Variants in ARID1B observed in about 807,000 individuals in gnomAD.
ARID1B encodes the protein AT-rich interaction domain 1B.
Under a neutral mutation model 212.3 loss-of-function variants are expected in ARID1B, and 30 were observed. The ratio of observed to expected loss-of-function variants is 0.14; its 90% CI spans 0.11 to 0.19. ARID1B has a LOEUF of 0.19. Among genes scored for constraint, ARID1B ranks in the 10% least tolerant of loss-of-function variants. The probability of loss-of-function intolerance (pLI) is 1.00; values close to 1 mark genes in which losing one functional copy is unlikely to be tolerated. For missense variants in ARID1B, 2,891 were observed against 3,204.0 expected, an observed-to-expected ratio of 0.90 and a Z score of 2.36; for synonymous variants, 1,402 against 1,301.7, an observed-to-expected ratio of 1.08 and a Z score of -1.66.
rs561490807 is a variant in ARID1B at position 157,167,339 on chromosome 6, A to C, written c.3235+154A>C. The C allele has an allele frequency of 9.4e-6, 8 of 851,380 alleles. No individual in the cohort carries two copies. In the East Asian group the frequency reaches 1.9e-4, roughly 20 times the overall value. 52.7% of individuals were successfully genotyped at this position (851,380 alleles called of 1,614,324 possible). A position where few individuals can be genotyped will look rare whatever the true frequency, so the allele number is the denominator to read the frequency against. On this transcript the variant is annotated intron_variant, in intron 9 of 19. Transcript: ENST00000636930. ...TTTCTGCTTCTCAGAAACTTGCTCC[A>C]TCTATTTAAGACTTGAGAATTACAT... is the stretch of plus-strand genomic sequence containing the variant.
chr6:157,204,199 C>CTAA, intron 19 of ARID1B: 1 of 583,848 alleles, frequency 1.7e-6, no homozygotes, highest in Non-Finnish European at 3.0e-6. Context: ...TGTACACACA[C>CTAA]ATACCTCTAT....
chr6:157,102,013 T>A (rs1280510626), intron 5 of ARID1B, among the ~76,000 whole-genome samples: 2 of 152,240 alleles, frequency 1.3e-5, no homozygotes, highest in Non-Finnish European at 2.9e-5. Context: ...AATATTTCTA[T>A]ATCTATTAGT....
At chr6:156,935,821 G>A (rs369392810) in intron 4 of ARID1B, 56 of 405,354 alleles carry the variant, frequency 1.4e-4, no homozygotes, top group African/African-American at 1.1e-3. Flanking sequence ...TTATGCGGCT[G>A]GTCGATTTTG....
chr6:156,917,493 A>G (rs1293599205), intron 3 of ARID1B, among the ~76,000 whole-genome samples: 1 of 151,836 alleles, frequency 6.6e-6, no homozygotes, highest in African/African-American at 2.4e-5. Context: ...GAGGCTTAGG[A>G]GAAGATGTTG....
In ARID1B at chr6:157,087,816, A is replaced by T. The variant is rs145848194; in HGVS notation, c.2491+2911A>T. On this transcript the variant is annotated intron_variant, in intron 5 of 19. Transcript: ENST00000636930. ...AGTTTTCTTCTAGAAAAAAAAAAAA[A>T]GTCCACGTTCCTCTTGGAGTTTGAG... Among the ~76,000 whole-genome samples, 1,161 of 151,580 alleles carry T rather than the reference A, an allele frequency of 7.7e-3. 11 individuals are homozygous for T. The highest frequency in any genetic ancestry group is 0.027 in the African/African-American group (1,113 of 41,356).
rs149275756 is a variant in ARID1B, at chr6:156,999,999, T to C, written c.2247+64423T>C. ...AATATGGTGACATGGAGTGAGTGAG[T>C]GAGTGGGAGGCTGATTTCTTTTGGG... On this transcript the variant is annotated intron_variant, in intron 4 of 19. Coordinates refer to ENST00000636930, the MANE Select transcript of ARID1B (RefSeq NM_001374828.1). Among the ~76,000 whole-genome samples the C allele has an allele frequency of 4.6e-5, 7 of 151,992 alleles. No individual in the cohort carries two copies. In the East Asian group the frequency reaches 1.4e-3, roughly 29 times the overall value.
At chr6:157,189,281 T>C (rs1793191779) in intron 13 of ARID1B, among the ~76,000 whole-genome samples, 1 of 152,250 alleles carries the variant, frequency 6.6e-6, no homozygotes, top group Non-Finnish European at 1.5e-5. Flanking sequence ...ATTTCCAGTC[T>C]AGACAACAGT....
intron 11 of ARID1B, among the ~76,000 whole-genome samples, chr6:157,178,062 A>G (rs1406968142): frequency 6.6e-6 from 1 of 152,200 alleles, no homozygotes; most frequent in Non-Finnish European, 1.5e-5. Flanking sequence ...CCTGCCCAGT[A>G]TGCGAACCAT....
chr6:157,083,584 AGTAAC>A (rs1197428335), intron 4 of ARID1B, among the ~76,000 whole-genome samples: 2 of 152,162 alleles, frequency 1.3e-5, no homozygotes, highest in Admixed American at 6.5e-5. Flanking sequence ...GTCTGTCCTC[AGTAAC>A]GTAACCTTCA....
intron 4 of ARID1B, among the ~76,000 whole-genome samples, chr6:157,050,736 ACAT>A (rs1192731254): frequency 1.3e-5 from 2 of 152,318 alleles, no homozygotes; most frequent in Admixed American, 1.3e-4. Flanking sequence ...ACTTCTAATG[ACAT>A]CATACTCATA....
In ARID1B at chr6:157,200,942, G is replaced by A. The variant is rs376207220; in HGVS notation, c.4717G>A (p.Gly1573Ser). The A allele has an allele frequency of 4.2e-5, 68 of 1,613,922 alleles. No homozygotes were observed. Among genetic ancestry groups the A allele is most frequent in the South Asian group, 2.7e-4 (25 of 91,068 alleles). Residue 1573 changes from glycine to serine, a missense_variant, in exon 18 of 20, where the codon GGC (glycine) becomes AGC (serine). Around this residue, in one of 7 missense-constraint regions of ARID1B, gnomAD observed 666 missense variants for 873.5 expected, o/e 0.76. Transcript: ENST00000636930. This position sits in a 1 kb window ranked among gnomAD's most constrained non-coding sequence, Gnocchi z 4.3. ...CGGAATCCCGCCTCAGATGATGGGC[G>A]GCCCGCTGCAGTCGTCCTCCAGTGA... The part of the protein sequence containing the change: ...THGIPPQMMG[G>S]PLQSSSSEGP...
At chr6:157,098,027 T>C (rs1432020733) in intron 5 of ARID1B, among the ~76,000 whole-genome samples, 1 of 152,212 alleles carries the variant, frequency 6.6e-6, no homozygotes, top group Non-Finnish European at 1.5e-5. Flanking sequence ...TCTGTCACTA[T>C]ACCCATTTCT....
intron 4 of ARID1B, among the ~76,000 whole-genome samples, chr6:157,057,730 A>C (rs1015444971): frequency 1.3e-5 from 2 of 152,164 alleles, no homozygotes; most frequent in African/African-American, 4.8e-5. Flanking sequence ...AAATTTAAAA[A>C]CGTATATAAA....
rs78701702 is a variant in ARID1B at position 157,123,437 on chromosome 6, A to G, written c.2582-9591A>G. Reference sequence around the variant, plus strand: ...TGGAACCATTTATCTGGAAGGGCACAGGACTTTCTGCATAGTGAGCTAAGT... The same window carrying G: ...TGGAACCATTTATCTGGAAGGGCACGGGACTTTCTGCATAGTGAGCTAAGT... On this transcript the variant is annotated intron_variant, in intron 6 of 19. Coordinates refer to ENST00000636930, the MANE Select transcript of ARID1B (RefSeq NM_001374828.1). Among the ~76,000 whole-genome samples the G allele has an allele frequency of 3.0e-3, 458 of 152,336 alleles. 4 individuals carry two copies. The highest frequency in any genetic ancestry group is 0.01 in the African/African-American group (419 of 41,580).
chr6:157,167,805 CAA>C (rs1233468239), intron 9 of ARID1B: 4 of 152,462 alleles, frequency 2.6e-5, no homozygotes, highest in African/African-American at 9.6e-5. Context: ...TGGAAAATAT[CAA>C]GAGTGTCTGA....
At chr6:157,100,561 G>C (rs1785988527) in intron 5 of ARID1B, among the ~76,000 whole-genome samples, 1 of 152,094 alleles carries the variant, frequency 6.6e-6, no homozygotes, top group African/African-American at 2.4e-5. Flanking sequence ...AATAACTTGT[G>C]GGTTTTCTAA....
At chr6:156,941,643 A>G (rs1792683527) in intron 4 of ARID1B, 1 of 152,208 alleles carries the variant, frequency 6.6e-6, no homozygotes, top group South Asian at 2.1e-4. Context: ...TGATATTGAT[A>G]GTCATTTTGA....
intron 1 of ARID1B, among the ~76,000 whole-genome samples, chr6:156,812,964 G>A (rs1298177546): frequency 9.8e-5 from 14 of 143,012 alleles, no homozygotes; most frequent in South Asian, 2.2e-4. Context: ...GTGTGTGTGT[G>A]TGTGTGTGTG....
At chr6:157,096,177 G>A (rs1344780911) in intron 5 of ARID1B, among the ~76,000 whole-genome samples, 6 of 152,210 alleles carry the variant, frequency 3.9e-5, no homozygotes, top group Non-Finnish European at 7.3e-5. Context: ...CAGCCCCGGA[G>A]TTCAGCTCTC....
Sources: gnomAD v4.1 joint callset for allele counts (sites outside exome capture counted in the v4.1 genomes callset) on GRCh38, gnomAD v4.1.1 for gene constraint, gnomAD v4.1.1 regional missense constraint, Gnocchi (gnomAD v3.1) non-coding constraint, MANE v1.5 for transcripts, NCBI Gene and HGNC (gene_info 2026-07-23, HGNC 2026-07-21) for gene names.